Variants in SLC6A5 observed in about 807,000 individuals in gnomAD.
SLC6A5 encodes solute carrier family 6 member 5.
A neutral mutation model predicts 90.5 loss-of-function variants in SLC6A5; 58 were observed. That is an observed-to-expected ratio of 0.64 (90% CI 0.52 to 0.80). The LOEUF is 0.80. Ranked by LOEUF, SLC6A5 falls within the 30% of genes least tolerant of loss-of-function variation. The probability of loss-of-function intolerance (pLI) is 0.00; values close to 1 mark genes in which losing one functional copy is unlikely to be tolerated. For missense variants in SLC6A5, 1,015 were observed against 1,017.6 expected, an observed-to-expected ratio of 1.00 and a Z score of 0.03; for synonymous variants, 427 against 401.4, an observed-to-expected ratio of 1.06 and a Z score of -0.76.
Position 20,628,068 on chromosome 11 carries a change from A to G in SLC6A5, c.1484A>G (p.His495Arg), listed in dbSNP as rs752322438. ...LITLSSYNKF[H>R]NNCYRDTLIV... ...ACTCTCTCTTCTTACAACAAATTCC[A>G]CAACAACTGCTACAGGTATGTAGAG... Residue 495 changes from histidine to arginine, a missense_variant, in exon 9 of 16, where the codon CAC (histidine) becomes CGC (arginine). Coordinates refer to ENST00000525748, the MANE Select transcript of SLC6A5 (RefSeq NM_004211.5). 4 of 1,613,552 alleles carry G rather than the reference A, an allele frequency of 2.5e-6. No individual in the cohort carries two copies. The East Asian group carries it at 6.7e-5, about 27-fold the overall frequency.
chr11:20,627,525 G>A (rs1396928691), intron 8 of SLC6A5, among the ~76,000 whole-genome samples: 4 of 152,154 alleles, frequency 2.6e-5, no homozygotes, highest in African/African-American at 7.2e-5. Context: ...AGTCTGCAGC[G>A]GCATAGAGGT....
At chr11:20,602,672 C>T (rs1422194749) in intron 2 of SLC6A5, among the ~76,000 whole-genome samples, 1 of 142,650 alleles carries the variant, frequency 7.0e-6, no homozygotes, top group Non-Finnish European at 1.5e-5. Flanking sequence ...CCCTTCTATC[C>T]TTAGTCACTT....
chr11:20,601,600 G>A lies in SLC6A5; in HGVS notation c.475G>A (p.Val159Met), dbSNP rs1428598495. The A allele has an allele frequency of 6.2e-7, 1 of 1,614,100 alleles. No homozygotes were observed. Residue 159 changes from valine to methionine, a missense_variant, in exon 2 of 16, where the codon GTG (valine) becomes ATG (methionine). Coordinates refer to ENST00000525748, the MANE Select transcript of SLC6A5 (RefSeq NM_004211.5). ...VGWVNMSQST[V>M]VLATDGITSV... ...CTGGGTGAACATGAGCCAGAGCACC[G>A]TGGTGCTGGCCACGGATGGAATCAC... is the stretch of plus-strand genomic sequence containing the variant.
intron 9 of SLC6A5, chr11:20,629,201 C>G (rs554147483): frequency 6.6e-6 from 1 of 152,272 alleles, no homozygotes; most frequent in South Asian, 2.1e-4. Context: ...CAGCAGCAGG[C>G]TCTGCGATGA....
chr11:20,608,956 CTCTG>C (rs796615964), intron 5 of SLC6A5, among the ~76,000 whole-genome samples: 3,887 of 112,864 alleles, frequency 0.034, 56 homozygotes, highest in Non-Finnish European at 0.053. Flanking sequence ...CTCTCTCTCT[CTCTG>C]TGTGTGTGTG....
intron 7 of SLC6A5, among the ~76,000 whole-genome samples, chr11:20,622,003 G>A (rs1017118013): frequency 1.3e-5 from 2 of 152,094 alleles, no homozygotes; most frequent in African/African-American, 4.8e-5. Context: ...AGGCTGTTGG[G>A]CCTTTACCAC....
intron 14 of SLC6A5, among the ~76,000 whole-genome samples, chr11:20,651,921 AG>A (rs1278866277): frequency 9.9e-5 from 15 of 151,940 alleles, no homozygotes; most frequent in African/African-American, 3.4e-4. Flanking sequence ...GAAAAAAAAA[AG>A]AAAAAGAAAA....
intron 3 of SLC6A5, 125 bp from the exon 4 acceptor site, chr11:20,606,882 C>T: frequency 8.3e-7 from 1 of 1,202,928 alleles, no homozygotes; most frequent in Non-Finnish European, 1.2e-6. Context: ...AGGGCTTCTT[C>T]AGGAATGGAG....
At chr11:20,605,103 C>A (rs78250373) in intron 3 of SLC6A5, among the ~76,000 whole-genome samples, 10,227 of 152,122 alleles carry the variant, frequency 0.067, 689 homozygotes, top group East Asian at 0.35. Context: ...CTCCCTTGTA[C>A]CTCTTCTGTA....
chr11:20,648,919 C>T lies in SLC6A5; in HGVS notation c.2070+1985C>T, dbSNP rs986910667. On this transcript the variant is annotated intron_variant, in intron 14 of 15. Transcript: ENST00000525748. The stretch of plus-strand genomic sequence containing the variant: ...TGGGTGATTCCTCTCTCATTTTACA[C>T]GTGTGTGCACTGAGGCTTGGAGAGG... Among the ~76,000 whole-genome samples, 4 of 152,154 alleles carry T rather than the reference C, an allele frequency of 2.6e-5. No homozygotes were observed. In the East Asian group the frequency reaches 5.8e-4, roughly 22 times the overall value.
intron 5 of SLC6A5, among the ~76,000 whole-genome samples, chr11:20,609,250 C>T (rs1241815312): frequency 6.6e-6 from 1 of 151,988 alleles, no homozygotes; most frequent in Non-Finnish European, 1.5e-5. Context: ...TGAGCAGATC[C>T]TATCTCATTC....
intron 5 of SLC6A5, among the ~76,000 whole-genome samples, chr11:20,608,712 C>A (rs1852629516): frequency 6.6e-6 from 1 of 152,172 alleles, no homozygotes; most frequent in African/African-American, 2.4e-5. Context: ...CTGAGACCAG[C>A]TTCCTGTGAT....
intron 14 of SLC6A5, among the ~76,000 whole-genome samples, chr11:20,649,529 A>G (rs1257740059): frequency 6.6e-6 from 1 of 152,214 alleles, no homozygotes; most frequent in Non-Finnish European, 1.5e-5. Flanking sequence ...GCAACTGGAA[A>G]TGAGTGTCGG....
chr11:20,624,480 T>C (rs900145076), intron 7 of SLC6A5, among the ~76,000 whole-genome samples: 17 of 139,440 alleles, frequency 1.2e-4, no homozygotes, highest in African/African-American at 4.2e-4. Context: ...ATCTCAGCTC[T>C]AAACTTTCCC....
intron 14 of SLC6A5, among the ~76,000 whole-genome samples, chr11:20,649,901 C>G (rs1374790056): frequency 6.6e-6 from 1 of 152,192 alleles, no homozygotes; most frequent in African/African-American, 2.4e-5. Flanking sequence ...CTAGAGTAGA[C>G]ATCTCTTTCC....
rs148882428 is a variant in SLC6A5 at position 20,631,959 on chromosome 11, C to A, written c.1624+1144C>A. Among the ~76,000 whole-genome samples the A allele has an allele frequency of 3.1e-3, 473 of 152,242 alleles. 1 individual carries two copies. Among genetic ancestry groups the A allele is most frequent in the Non-Finnish European group, 5.3e-3 (358 of 68,014 alleles). On this transcript the variant is annotated intron_variant, in intron 10 of 15. Coordinates refer to ENST00000525748, the MANE Select transcript of SLC6A5 (RefSeq NM_004211.5). ...CAGGGGCCTCAAAGAGTTAAAGAGCCAGCACTTTCCAGGGGTGCAATTATC... is the reference window on the plus strand; with the variant it reads ...CAGGGGCCTCAAAGAGTTAAAGAGCAAGCACTTTCCAGGGGTGCAATTATC...
chr11:20,614,761 G>A lies in SLC6A5; in HGVS notation c.1068G>A (p.Met356Ile). 1.2e-6 allele frequency: 2 copies of A among 1,613,650 alleles called. No individual in the cohort carries two copies. The highest frequency in any genetic ancestry group is 1.7e-6 in the Non-Finnish European group (2 of 1,179,534). The change falls in exon 6 of 16, where the codon ATG becomes ATA. Residue 356 changes from methionine to isoleucine, a missense_variant. This residue lies in a region of SLC6A5 where 567 missense variants were observed against 507.3 expected (regional missense o/e 1.12). Transcript: ENST00000525748. The part of the protein sequence containing the change: ...FCMTAYPNVT[M>I]VNFTSQANKT... ...TGACCGCTTATCCCAACGTGACAATGGTTAATTTCACCAGCCAGGCCAATA... is the reference window on the plus strand; with the variant it reads ...TGACCGCTTATCCCAACGTGACAATAGTTAATTTCACCAGCCAGGCCAATA...
At position 20,599,663 on chromosome 11, in the gene SLC6A5, T is replaced by C. The variant is rs1852420149; in HGVS notation, c.-10T>C. The C allele has an allele frequency of 1.2e-6, 2 of 1,614,100 alleles. No individual in the cohort carries two copies. Among genetic ancestry groups the C allele is most frequent in the Non-Finnish European group, 1.7e-6 (2 of 1,180,004 alleles). ...CCCTCCACCAGTTCAGTCTGTTGCC[T>C]GTGTCAGACATGGTGAGTGTTTGCT... On this transcript the variant is annotated 5_prime_UTR_variant, in exon 1 of 16. Transcript: ENST00000525748.
rs951007138 is a variant in SLC6A5, at chr11:20,659,019, C to A, written c.*4151C>A. 2 of 147,720 alleles carry A rather than the reference C, an allele frequency of 1.4e-5. No homozygotes were observed. The highest frequency in any genetic ancestry group is 3.0e-5 in the Non-Finnish European group (2 of 67,254). The allele number at this position is 147,720 out of a possible 1,614,324, so 9.2% of individuals were successfully genotyped here. A position where few individuals can be genotyped will look rare whatever the true frequency, so the allele number is the denominator to read the frequency against. ...TCCTTATATTTTTCCATTAACTATA[C>A]ATGAAGAAAATATATTATGTTACAA... On this transcript the variant is annotated 3_prime_UTR_variant, in exon 16 of 16. Coordinates refer to ENST00000525748, the MANE Select transcript of SLC6A5 (RefSeq NM_004211.5).
Sources: allele counts gnomAD v4.1 joint callset (sites outside exome capture counted in the v4.1 genomes callset), GRCh38; gene constraint gnomAD v4.1.1; regional missense constraint gnomAD v4.1.1; transcripts MANE v1.5; gene names NCBI Gene and HGNC (gene_info 2026-07-23, HGNC 2026-07-21).